SKP2: variants seen among roughly 807,000 people sequenced by gnomAD.
SKP2 encodes the protein S-phase kinase associated protein 2, also known as S-phase kinase-associated protein 2.
In SKP2, 16 loss-of-function variants were observed where a neutral mutation model predicts 51.8. The ratio of observed to expected loss-of-function variants is 0.31; its 90% CI spans 0.21 to 0.47. The LOEUF is 0.47. Ranked by LOEUF, SKP2 falls within the 20% of genes least tolerant of loss-of-function variation. The pLI, the probability that SKP2 is intolerant of heterozygous loss-of-function variation, is 1.00. For synonymous variants in SKP2, 176 were observed against 198.6 expected, an observed-to-expected ratio of 0.89 and a Z score of 0.96; for missense variants, 377 against 505.3, an observed-to-expected ratio of 0.75 and a Z score of 2.43.
intron 5 of SKP2, among the ~76,000 whole-genome samples, chr5:36,169,459 A>G (rs555248051): frequency 1.5e-3 from 231 of 152,250 alleles, no homozygotes; most frequent in African/African-American, 5.3e-3. Context: ...AAAAAATAAA[A>G]AAAGGGAAGG....
chr5:36,166,643 C>A lies in SKP2; in HGVS notation c.517C>A (p.Pro173Thr). ...CTGCCCACGATCATTTATGGACCAACCATTGGCTGAACATTTCAGGTAAAG... is the reference window on the plus strand; with the variant it reads ...CTGCCCACGATCATTTATGGACCAAACATTGGCTGAACATTTCAGGTAAAG... The part of the protein sequence containing the change: ...FRCPRSFMDQ[P>T]LAEHFSPFRV... The change falls in exon 4 of 10, where the codon CCA becomes ACA. Residue 173 changes from proline to threonine, a missense_variant. This residue lies in a region of SKP2 where 262 missense variants were observed against 389.8 expected (regional missense o/e 0.67). Coordinates refer to ENST00000274255, the MANE Select transcript of SKP2 (RefSeq NM_005983.4). 3 of 1,613,854 alleles carry A rather than the reference C, an allele frequency of 1.9e-6. No homozygotes were observed. Among genetic ancestry groups the A allele is most frequent in the Non-Finnish European group, 2.5e-6 (3 of 1,179,894 alleles).
intron 3 of SKP2, among the ~76,000 whole-genome samples, chr5:36,165,614 A>G (rs1171466487): frequency 1.3e-5 from 2 of 152,212 alleles, no homozygotes; most frequent in Non-Finnish European, 2.9e-5. Flanking sequence ...TATCTTATCT[A>G]CAGTCCACCT....
At position 36,184,114 on chromosome 5, in the gene SKP2, A is replaced by G. The variant is rs530816869; in HGVS notation, c.*2083A>G. The G allele has an allele frequency of 1.5e-6, 1 of 663,040 alleles. No homozygotes were observed. The highest frequency in any genetic ancestry group is 3.2e-5 in the Admixed American group (1 of 31,628). The allele number at this position is 663,040 out of a possible 1,614,324, so 41.1% of individuals were successfully genotyped here. The stretch of plus-strand genomic sequence containing the variant: ...AAAATTTGAAAGCATTTAGTGTGGT[A>G]TGCCATTTGGCTTAGATACCTCTAA... On this transcript the variant is annotated 3_prime_UTR_variant, in exon 10 of 10. Transcript: ENST00000274255.
At position 36,177,558 on chromosome 5, in the gene SKP2, C is replaced by G. The variant is rs966260761; in HGVS notation, c.1061+266C>G. 1.2e-5 allele frequency: 5 copies of G among 432,000 alleles called. No individual in the cohort carries two copies. The Admixed American group carries it at 1.7e-4, about 15-fold the overall frequency. 26.8% of individuals were successfully genotyped at this position (432,000 alleles called of 1,614,324 possible). On this transcript the variant is annotated intron_variant, in intron 9 of 9. Coordinates refer to ENST00000274255, the MANE Select transcript of SKP2 (RefSeq NM_005983.4). Reference sequence around the variant, plus strand: ...TCTTAGTATCTATGAGAAGACTTAGCAGAGAAGCAGAAGATAACCTTTTCC... The same window carrying G: ...TCTTAGTATCTATGAGAAGACTTAGGAGAGAAGCAGAAGATAACCTTTTCC...
chr5:36,183,182 C>T lies in SKP2; in HGVS notation c.*1151C>T. On this transcript the variant is annotated 3_prime_UTR_variant, in exon 10 of 10. Coordinates refer to ENST00000274255, the MANE Select transcript of SKP2 (RefSeq NM_005983.4). ...TTATACCTACATAAGAGTTAAAATC[C>T]AGATGTGGGACCTTTTGATACCATC... 1 of 975,070 alleles carries T rather than the reference C, an allele frequency of 1.0e-6. No individual in the cohort carries two copies. The highest frequency in any genetic ancestry group is 1.7e-5 in the African/African-American group (1 of 57,146). The allele number at this position is 975,070 out of a possible 1,614,324, so 60.4% of individuals were successfully genotyped here.
chr5:36,176,835 C>T, intron 7 of SKP2, 130 bp from the exon 8 acceptor site: 1 of 576,352 alleles, frequency 1.7e-6, no homozygotes, highest in African/African-American at 1.9e-5. Context: ...TTTTTTCTTT[C>T]TAATAGTGTG....
chr5:36,162,124 C>T (rs570812832), intron 2 of SKP2, among the ~76,000 whole-genome samples: 9 of 152,310 alleles, frequency 5.9e-5, no homozygotes, highest in Admixed American at 3.3e-4. Context: ...TTTGAACTTA[C>T]GTGAGGGCCT....
chr5:36,180,327 T>A (rs1278140063), intron 9 of SKP2: 1 of 1,085,174 alleles, frequency 9.2e-7, no homozygotes, highest in Admixed American at 2.0e-5. Context: ...TATACTGTGA[T>A]CTTACTTCGA....
intron 6 of SKP2, among the ~76,000 whole-genome samples, chr5:36,190,738 C>G (rs1015221269): frequency 7.0e-6 from 1 of 142,488 alleles, no homozygotes; most frequent in Non-Finnish European, 1.5e-5. Context: ...CCAGTTTCAA[C>G]AGTCATTGAT....
Position 36,181,804 on chromosome 5 carries a change from T to C in SKP2, c.1062-14T>C, listed in dbSNP as rs192665373. ...AGATACTGCTATTCTGAAAGTCTTT[T>C]TCTTCCTTTCCAGTGAACTTGGAGA... On this transcript the variant is annotated splice_polypyrimidine_tract_variant and intron_variant, in intron 9 of 9. Coordinates refer to ENST00000274255, the MANE Select transcript of SKP2 (RefSeq NM_005983.4). The C allele has an allele frequency of 6.2e-7, 1 of 1,613,648 alleles. No homozygotes were observed. The highest frequency in any genetic ancestry group is 1.3e-5 in the African/African-American group (1 of 75,022).
chr5:36,171,531 G>T (rs1479777600), intron 6 of SKP2, 72 bp from the exon 7 acceptor site: 1 of 1,354,196 alleles, frequency 7.4e-7, no homozygotes, highest in African/African-American at 1.5e-5. Flanking sequence ...TATTTTCTTT[G>T]TTTGCAGTTT....
rs1041724584 is a variant in SKP2 at position 36,184,141 on chromosome 5, TAAG to T, written c.*2112_*2114del. The T allele has an allele frequency of 3.0e-5, 17 of 565,266 alleles. No homozygotes were observed. The highest frequency in any genetic ancestry group is 3.4e-5 in the Non-Finnish European group (11 of 323,542). 35.0% of individuals were successfully genotyped at this position (565,266 alleles called of 1,614,324 possible). On this transcript the variant is annotated 3_prime_UTR_variant, in exon 10 of 10. Transcript: ENST00000274255. ...GCCATTTGGCTTAGATACCTCTAAA[TAAG>T]ACTCTTCAAAACAGAGCCCTGAGAT...
At chr5:36,174,741 A>G (rs1485185147) in intron 7 of SKP2, among the ~76,000 whole-genome samples, 2 of 152,126 alleles carry the variant, frequency 1.3e-5, no homozygotes, top group African/African-American at 4.8e-5. Flanking sequence ...TGGAATGGTT[A>G]AAGACAGGGC....
chr5:36,162,386 C>T (rs757613918), intron 2 of SKP2, among the ~76,000 whole-genome samples: 20 of 152,212 alleles, frequency 1.3e-4, no homozygotes, highest in Non-Finnish European at 5.9e-5. Flanking sequence ...GCTTAGTGAT[C>T]GTCATCTCAG....
chr5:36,170,424 T>C lies in SKP2; in HGVS notation c.752T>C (p.Leu251Ser). Residue 251 changes from leucine to serine, a missense_variant, in exon 6 of 10, where the codon TTG (leucine) becomes TCG (serine). Leu to Ser is a moderately radical substitution (Grantham distance 145). Around this residue, in one of 2 missense-constraint regions of SKP2, gnomAD observed 262 missense variants for 389.8 expected, o/e 0.67. Coordinates refer to ENST00000274255, the MANE Select transcript of SKP2 (RefSeq NM_005983.4). The stretch of plus-strand genomic sequence containing the variant: ...TTCTCTGAATTTGCCCTGCAGACTT[T>C]GCTAAGCAGCTGTTCCAGGTATGAA... Reference protein sequence around the residue: ...SGFSEFALQTLLSSCSRLDEL... With the variant: ...SGFSEFALQTSLSSCSRLDEL... 1 of 1,610,044 alleles carries C rather than the reference T, an allele frequency of 6.2e-7. No homozygotes were observed. The highest frequency in any genetic ancestry group is 8.5e-7 in the Non-Finnish European group (1 of 1,176,748).
intron 7 of SKP2, among the ~76,000 whole-genome samples, chr5:36,173,486 C>G (rs898978029): frequency 2.0e-5 from 3 of 152,156 alleles, no homozygotes; most frequent in Non-Finnish European, 4.4e-5. Flanking sequence ...AAGGCAGTGC[C>G]TTGTTTATAT....
downstream of SKP2, among the ~76,000 whole-genome samples, chr5:36,188,690 A>G (rs998238240): frequency 2.0e-5 from 3 of 152,062 alleles, no homozygotes; most frequent in Non-Finnish European, 4.4e-5. Flanking sequence ...ACCTTGGTGA[A>G]TCTGACAATT....
chr5:36,172,109 A>T (rs1485296891), intron 7 of SKP2, among the ~76,000 whole-genome samples: 1 of 152,184 alleles, frequency 6.6e-6, no homozygotes, highest in Non-Finnish European at 1.5e-5. Flanking sequence ...GTACGGGGAC[A>T]TTTGTCAATG....
intron 1 of SKP2, 48 bp from the exon 2 acceptor site, chr5:36,152,723 T>C (rs776665907): frequency 6.3e-7 from 1 of 1,584,920 alleles, no homozygotes. Context: ...TGAAATTATT[T>C]ATGGGTGTGT....
Sources: gnomAD v4.1 joint callset for allele counts (sites outside exome capture counted in the v4.1 genomes callset) on GRCh38, gnomAD v4.1.1 for gene constraint, gnomAD v4.1.1 regional missense constraint, MANE v1.5 for transcripts, NCBI Gene and HGNC (gene_info 2026-07-23, HGNC 2026-07-21) for gene names.